The following NCAPD3 variants were observed in gnomAD, a reference collection of about 807,000 sequenced individuals.
The protein encoded by NCAPD3 is non-SMC condensin II complex subunit D3.
In NCAPD3, 105 loss-of-function variants were observed where a neutral mutation model predicts 182.9. That is an observed-to-expected ratio of 0.57 (90% confidence interval 0.49 to 0.68). NCAPD3 has a LOEUF of 0.68. NCAPD3 is among the 30% of genes least tolerant of loss of function. The pLI, the probability that NCAPD3 is intolerant of heterozygous loss-of-function variation, is 0.00. For missense variants in NCAPD3, 1,944 were observed against 1,837.0 expected (o/e 1.06, Z -1.07); for synonymous variants, 815 against 679.9 (o/e 1.20, Z -3.09).
chr11:134,171,219 G>A (rs1208637054), intron 24 of NCAPD3, among the ~76,000 whole-genome samples: 1 of 152,156 alleles, frequency 6.6e-6, no homozygotes, highest in African/African-American at 2.4e-5. Context: ...GCGGTCTATG[G>A]ATTTCACACA....
rs1943177584 is a variant in NCAPD3 at position 134,150,312 on chromosome 11, A to G, written c.*2632T>C. 6.6e-6 allele frequency: 1 copy of G among 152,358 alleles called. No homozygotes were observed. The highest frequency in any genetic ancestry group is 1.5e-5 in the Non-Finnish European group (1 of 68,126). The allele number at this position is 152,358 out of a possible 1,614,324, so 9.4% of individuals were successfully genotyped here. A position where few individuals can be genotyped will look rare whatever the true frequency, so the allele number is the denominator to read the frequency against. ...TAGCTTTGAACTGCCTCTTCCTGAG[A>G]TGACTAGGACAGTCTGTACCCAGAG... On this transcript the variant is annotated 3_prime_UTR_variant, in exon 35 of 35. Coordinates refer to ENST00000534548, the MANE Select transcript of NCAPD3 (RefSeq NM_015261.3).
intron 24 of NCAPD3, among the ~76,000 whole-genome samples, chr11:134,175,313 A>C (rs1440705861): frequency 2.6e-5 from 4 of 152,214 alleles, no homozygotes; most frequent in Non-Finnish European, 5.9e-5. Context: ...ACTGCGTAAA[A>C]AGTCCTGAGA....
intron 27 of NCAPD3, among the ~76,000 whole-genome samples, chr11:134,163,061 T>C (rs1043588033): frequency 1.3e-5 from 2 of 151,900 alleles, no homozygotes; most frequent in African/African-American, 4.8e-5. Flanking sequence ...AGATGGCAAT[T>C]TGAAGTGGAG....
In NCAPD3 at chr11:134,157,004, G is replaced by T; in HGVS notation, c.4252+14C>A. 6.2e-7 allele frequency: 1 copy of T among 1,601,364 alleles called. No individual in the cohort carries two copies. The highest frequency in any genetic ancestry group is 1.7e-4 in the Middle Eastern group (1 of 6,016). On this transcript the variant is annotated intron_variant, in intron 32 of 34. Coordinates refer to ENST00000534548, the MANE Select transcript of NCAPD3 (RefSeq NM_015261.3). ...GACTGAGGAGAAGCCCACGTGTTCC[G>T]ATCAGTTACTCACTCTCGGGGGTGC...
chr11:134,224,816 C>T (rs1368578957), upstream of NCAPD3: 1 of 155,586 alleles, frequency 6.4e-6, no homozygotes, highest in East Asian at 1.9e-4. Flanking sequence ...ACGGCCGACC[C>T]TCGCCCGCCC....
chr11:134,156,926 C>A, intron 32 of NCAPD3, 92 bp downstream of exon 32: 1 of 1,125,670 alleles, frequency 8.9e-7, no homozygotes, highest in Non-Finnish European at 1.3e-6. Context: ...AACTATCCTG[C>A]ACCGGAAGGA....
At chr11:134,168,879 C>G in intron 25 of NCAPD3, 38 bp downstream of exon 25, 3 of 1,594,954 alleles carry the variant, frequency 1.9e-6, no homozygotes, top group Non-Finnish European at 2.6e-6. Flanking sequence ...CAGCTCTTAC[C>G]CAGATACAAG....
intron 1 of NCAPD3, among the ~76,000 whole-genome samples, chr11:134,222,109 G>A (rs1938253714): frequency 1.3e-5 from 2 of 152,210 alleles, no homozygotes; most frequent in Non-Finnish European, 2.9e-5. Context: ...GGTCACAGAA[G>A]TCTTCAGTGT....
At chr11:134,169,627 G>A (rs1943958184) in intron 24 of NCAPD3, among the ~76,000 whole-genome samples, 1 of 152,186 alleles carries the variant, frequency 6.6e-6, no homozygotes, top group Admixed American at 6.5e-5. Context: ...CAAGCCCTGG[G>A]CACTCTCCTT....
At position 134,177,247 on chromosome 11, in the gene NCAPD3, G is replaced by GGA. The variant is rs768855534; in HGVS notation, c.2992_2993insTC (p.Thr998IlefsTer15). ...CAAGAGATTGGTAAGCAAGATGAGT[G>GGA]TCTGCTTCCGGATGAATGGGTCGGA... On this transcript the variant is annotated frameshift_variant, in exon 23 of 35. Transcript: ENST00000534548. LOFTEE classifies it high-confidence loss of function. The GGA allele has an allele frequency of 5.6e-6, 9 of 1,614,180 alleles. No homozygotes were observed. The highest frequency in any genetic ancestry group is 7.6e-6 in the Non-Finnish European group (9 of 1,179,978).
In NCAPD3 at chr11:134,151,035, G is replaced by C. The variant is rs1056698284; in HGVS notation, c.*1909C>G. The C allele has an allele frequency of 5.9e-5, 9 of 152,252 alleles. No individual in the cohort carries two copies. Among genetic ancestry groups the C allele is most frequent in the African/African-American group, 1.7e-4 (7 of 41,460 alleles). The allele number at this position is 152,252 out of a possible 1,614,324, so 9.4% of individuals were successfully genotyped here. A position where few individuals can be genotyped will look rare whatever the true frequency, so the allele number is the denominator to read the frequency against. On this transcript the variant is annotated 3_prime_UTR_variant, in exon 35 of 35. Coordinates refer to ENST00000534548, the MANE Select transcript of NCAPD3 (RefSeq NM_015261.3). ...TGTTCTTCAAGAGCAGGTGTTCTCA[G>C]CCTCACATGCCCTGCCGTGCTGGAC...
chr11:134,195,177 C>T lies in NCAPD3; in HGVS notation c.1616-439G>A, dbSNP rs150677746. ...GTACAGTGGTACAATCATAGCTCAC[C>T]GCAATCTCAAATTCCTGGGCTCAAG... On this transcript the variant is annotated intron_variant, in intron 13 of 34. Transcript: ENST00000534548. Among the ~76,000 whole-genome samples, 651 of 152,256 alleles carry T rather than the reference C, an allele frequency of 4.3e-3. 5 individuals are homozygous for T. The highest frequency in any genetic ancestry group is 0.015 in the African/African-American group (621 of 41,548).
chr11:134,183,584 G>A (rs1166636256), intron 19 of NCAPD3, among the ~76,000 whole-genome samples: 1 of 151,986 alleles, frequency 6.6e-6, no homozygotes, highest in Admixed American at 6.6e-5. Context: ...AAAAATAAAA[G>A]TTTGTCATAT....
intron 24 of NCAPD3, among the ~76,000 whole-genome samples, chr11:134,170,427 T>C (rs1249563968): frequency 1.3e-5 from 2 of 152,190 alleles, no homozygotes; most frequent in African/African-American, 4.8e-5. Context: ...TGGTAAACCA[T>C]CTGTGACAAG....
rs764640348 is a variant in NCAPD3 at position 134,181,088 on chromosome 11, C to A, written c.2548G>T (p.Glu850Ter). Residue 850 changes from glutamate (E) to a stop codon, truncating the protein, a stop_gained, in exon 20 of 35, where the codon GAA (glutamate) becomes TAA (stop). Coordinates refer to ENST00000534548, the MANE Select transcript of NCAPD3 (RefSeq NM_015261.3). LOFTEE classifies it high-confidence loss of function. Reference sequence around the variant, plus strand: ...AAGCAGTCGCTTACCAACAGGTCTTCGTCCATATTCCCTGTTCCATTCTCC... The same window carrying A: ...AAGCAGTCGCTTACCAACAGGTCTTAGTCCATATTCCCTGTTCCATTCTCC... ...LKENGTGNMD[E>*]DLLVKYIFTL... is the part of the protein sequence containing the mutation. 1 of 1,612,240 alleles carries A rather than the reference C, an allele frequency of 6.2e-7. No homozygotes were observed. Among genetic ancestry groups the A allele is most frequent in the Admixed American group, 1.7e-5 (1 of 60,010 alleles).
intron 24 of NCAPD3, chr11:134,173,224 C>A: frequency 6.5e-6 from 1 of 153,194 alleles, no homozygotes; most frequent in South Asian, 1.9e-4. Context: ...CATAGCTGTT[C>A]AGTAGGGGGC....
intron 16 of NCAPD3, among the ~76,000 whole-genome samples, chr11:134,191,555 G>C (rs541867399): frequency 6.6e-6 from 1 of 152,156 alleles, no homozygotes; most frequent in African/African-American, 2.4e-5. Flanking sequence ...AGCTTCTCAG[G>C]AGCTGTAGAA....
intron 23 of NCAPD3, among the ~76,000 whole-genome samples, chr11:134,176,603 C>G (rs550159479): frequency 2.0e-5 from 3 of 152,306 alleles, no homozygotes; most frequent in African/African-American, 7.2e-5. Flanking sequence ...AAGCACATGG[C>G]ATTAGAGGGA....
chr11:134,187,846 G>C (rs1307018484), intron 16 of NCAPD3, among the ~76,000 whole-genome samples: 1 of 152,194 alleles, frequency 6.6e-6, no homozygotes, highest in Non-Finnish European at 1.5e-5. Context: ...CCAGCACTTA[G>C]AACCAGTCCT....
Sources: gnomAD v4.1 joint callset for allele counts (sites outside exome capture counted in the v4.1 genomes callset) on GRCh38, gnomAD v4.1.1 for gene constraint, MANE v1.5 for transcripts, NCBI Gene and HGNC (gene_info 2026-07-23, HGNC 2026-07-21) for gene names.